Variants in ERAP1 observed in about 807,000 individuals in gnomAD.
ERAP1 encodes adipocyte-derived leucine aminopeptidase.
A neutral mutation model predicts 103.7 loss-of-function variants in ERAP1; 86 were observed. The observed-to-expected ratio is 0.83, with a 90% CI of 0.70 to 0.99. The LOEUF is 0.99. Ranked by LOEUF, ERAP1 falls within the 50% of genes least tolerant of loss-of-function variation. ERAP1 has a pLI of 0.00. For synonymous variants in ERAP1, 398 were observed against 402.4 expected, an observed-to-expected ratio of 0.99 and a Z score of 0.13; for missense variants, 1,009 against 1,128.4, an observed-to-expected ratio of 0.89 and a Z score of 1.52.
the ERAP1 span, among the ~76,000 whole-genome samples, chr5:96,818,682 G>A: frequency 3.9e-5 from 6 of 152,048 alleles, no homozygotes; most frequent in Middle Eastern, 3.4e-3. Context: ...CCTCCCTCTT[G>A]GATAAAGATA....
intron 19 of ERAP1, among the ~76,000 whole-genome samples, chr5:96,764,261 A>G (rs921487112): frequency 2.6e-5 from 4 of 152,172 alleles, no homozygotes; most frequent in Non-Finnish European, 4.4e-5. Flanking sequence ...TGCCTTTTCA[A>G]TCATTTACTT....
the ERAP1 span, among the ~76,000 whole-genome samples, chr5:96,874,972 T>C: frequency 1.9e-4 from 29 of 152,346 alleles, no homozygotes; most frequent in African/African-American, 6.7e-4. Context: ...GGCTGGCATA[T>C]AGGCTGCCAG....
intron 13 of ERAP1, among the ~76,000 whole-genome samples, chr5:96,784,527 T>C (rs887312627): frequency 2.4e-4 from 37 of 152,308 alleles, no homozygotes; most frequent in African/African-American, 8.7e-4. Context: ...TATATAAGTC[T>C]CTTTTCTATC....
chr5:96,852,669 T>G, the ERAP1 span, among the ~76,000 whole-genome samples: 1 of 152,202 alleles, frequency 6.6e-6, no homozygotes, highest in Non-Finnish European at 1.5e-5. Flanking sequence ...AAGTCCTATA[T>G]TCAAGGCTGA....
At chr5:96,926,901 C>T in the ERAP1 span, among the ~76,000 whole-genome samples, 2 of 152,274 alleles carry the variant, frequency 1.3e-5, no homozygotes, top group East Asian at 3.9e-4. Context: ...GCTGCAGCCT[C>T]GATCTCCCAG....
At chr5:96,790,675 T>C in intron 8 of ERAP1, 32 bp from the exon 9 acceptor site, 1 of 1,587,836 alleles carries the variant, frequency 6.3e-7, no homozygotes, top group Non-Finnish European at 8.6e-7. Flanking sequence ...TTGTTATCTA[T>C]AGTTTCATTG....
chr5:96,905,307 A>G, the ERAP1 span, among the ~76,000 whole-genome samples: 2 of 152,338 alleles, frequency 1.3e-5, no homozygotes, highest in East Asian at 1.9e-4. Context: ...TGCGAAGGGG[A>G]AACAAAAACC....
At chr5:96,768,473 C>G (rs1437798224) in intron 19 of ERAP1, 7 of 433,672 alleles carry the variant, frequency 1.6e-5, no homozygotes, top group Non-Finnish European at 3.2e-5. Context: ...ATTCCACTGC[C>G]CCCAAAACAG....
At chr5:96,935,483 G>A in the ERAP1 span, 3 of 152,804 alleles carry the variant, frequency 2.0e-5, no homozygotes. Context: ...AACCTCCCCA[G>A]GGAAACCAGC....
Position 96,788,544 on chromosome 5 carries a change from C to T in ERAP1, c.1666G>A (p.Ala556Thr), listed in dbSNP as rs61734613. Residue 556 changes from alanine to threonine, a missense_variant, in exon 11 of 19, where the codon GCC becomes ACC. By Grantham distance (58) the Ala-to-Thr change is moderately conservative. Transcript: ENST00000443439. ...QEHYMKGSDG[A>T]PDTGYLWHVP... ...TAGGAGCATTACCCAGTGTCCGGGG[C>T]GCCGTCAGAGCCCTTCATGTAGTGC... is the stretch of plus-strand genomic sequence containing the variant. The T allele has an allele frequency of 4.3e-5, 70 of 1,614,156 alleles. No individual in the cohort carries two copies. The Middle Eastern group carries it at 5.0e-4, about 11-fold the overall frequency.
the ERAP1 span, among the ~76,000 whole-genome samples, chr5:96,928,640 T>C: frequency 6.6e-6 from 1 of 152,208 alleles, no homozygotes; most frequent in Non-Finnish European, 1.5e-5. Context: ...ATAATGAATT[T>C]CTGTTGTTTA....
At chr5:96,808,734 GCCAAAAAGA>G (rs1412031084), upstream of ERAP1, among the ~76,000 whole-genome samples, 3 of 152,072 alleles carry the variant, frequency 2.0e-5, no homozygotes, top group Non-Finnish European at 4.4e-5. Flanking sequence ...GAATAAAATG[GCCAAAAAGA>G]CCATCTTTAA....
chr5:96,796,908 T>C (rs903909939), intron 4 of ERAP1, among the ~76,000 whole-genome samples: 1 of 152,188 alleles, frequency 6.6e-6, no homozygotes, highest in Admixed American at 6.5e-5. Flanking sequence ...TCCTCCCTAG[T>C]AGCTAGGACT....
At chr5:96,900,770 TG>T in the ERAP1 span, among the ~76,000 whole-genome samples, 1 of 152,154 alleles carries the variant, frequency 6.6e-6, no homozygotes, top group Non-Finnish European at 1.5e-5. Context: ...TCCACCTCTC[TG>T]GTTCAACCAA....
Position 96,785,966 on chromosome 5 carries a change from G to A in ERAP1, c.1765C>T (p.Leu589Phe), listed in dbSNP as rs1453912795. Residue 589 changes from leucine to phenylalanine, a missense_variant, in exon 13 of 19, where the codon CTC becomes TTC. By Grantham distance (22) the Leu-to-Phe change is conservative. Coordinates refer to ENST00000443439, the MANE Select transcript of ERAP1 (RefSeq NM_001040458.3). ...RFLLKTKTDV[L>F]ILPEEVEWIK... is the part of the protein sequence containing the mutation. ...CATTCCACCTCTTCTGGGAGGATGAGCACATCTAGAGTAAATAAAATAAAT... is the reference window on the plus strand; with the variant it reads ...CATTCCACCTCTTCTGGGAGGATGAACACATCTAGAGTAAATAAAATAAAT... 3 of 1,613,826 alleles carry A rather than the reference G, an allele frequency of 1.9e-6. No homozygotes were observed. The highest frequency in any genetic ancestry group is 2.5e-6 in the Non-Finnish European group (3 of 1,179,922).
chr5:96,838,810 AACAC>A, the ERAP1 span, among the ~76,000 whole-genome samples: 148 of 149,986 alleles, frequency 9.9e-4, no homozygotes, highest in Non-Finnish European at 1.5e-3. Context: ...ACTTGTCTCT[AACAC>A]ACACACACAC....
chr5:96,905,278 T>C, the ERAP1 span, among the ~76,000 whole-genome samples: 2 of 152,152 alleles, frequency 1.3e-5, no homozygotes, highest in Non-Finnish European at 1.5e-5. Context: ...TGTTTGCAAC[T>C]ACAAATGAAA....
At chr5:96,850,022 A>G in the ERAP1 span, among the ~76,000 whole-genome samples, 1 of 152,204 alleles carries the variant, frequency 6.6e-6, no homozygotes, top group Non-Finnish European at 1.5e-5. Context: ...AATAAATGGC[A>G]TTAGGAAAAC....
chr5:96,837,719 G>T, the ERAP1 span, among the ~76,000 whole-genome samples: 1 of 152,230 alleles, frequency 6.6e-6, no homozygotes, highest in Non-Finnish European at 1.5e-5. Context: ...GGGTCAGTGT[G>T]ACAGCCTTTC....
Sources: allele counts gnomAD v4.1 joint callset (sites outside exome capture counted in the v4.1 genomes callset), GRCh38; gene constraint gnomAD v4.1.1; transcripts MANE v1.5; gene names NCBI Gene and HGNC (gene_info 2026-07-23, HGNC 2026-07-21).